Variants in PPM1B observed in about 807,000 individuals in gnomAD.
PPM1B encodes protein phosphatase 1B.
In PPM1B, 22 loss-of-function variants were observed where a neutral mutation model predicts 43.0. The observed-to-expected ratio is 0.51, with a 90% confidence interval of 0.37 to 0.73. The LOEUF (loss-of-function observed/expected upper bound fraction) is 0.73, where lower values mean the gene tolerates loss of function less well. Among genes scored for constraint, PPM1B ranks in the 30% least tolerant of loss-of-function variants. The probability of loss-of-function intolerance (pLI) is 0.00; values close to 1 mark genes in which losing one functional copy is unlikely to be tolerated. For synonymous variants in PPM1B, 217 were observed against 197.9 expected (o/e 1.10, Z -0.81); for missense variants, 632 against 584.2 (o/e 1.08, Z -0.84).
At chr2:44,213,250 T>C (rs1034492770) in intron 3 of PPM1B, among the ~76,000 whole-genome samples, 13 of 151,816 alleles carry the variant, frequency 8.6e-5, no homozygotes, top group Admixed American at 8.5e-4. Context: ...TTTTCTTTTC[T>C]TTGTGGGAGG....
At chr2:44,226,735 CTTTTTTTTT>C (rs60750702) in intron 5 of PPM1B, among the ~76,000 whole-genome samples, 13 of 66,692 alleles carry the variant, frequency 1.9e-4, no homozygotes, top group Non-Finnish European at 2.8e-4. Context: ...AGGTTTTTAT[CTTTTTTTTT>C]TTTTTTTTTT....
intron 1 of PPM1B, among the ~76,000 whole-genome samples, chr2:44,169,625 A>G (rs139840114): frequency 3.7e-4 from 57 of 152,368 alleles, no homozygotes; most frequent in Middle Eastern, 6.8e-3. Context: ...GGCTACCCCA[A>G]GCCTTGGCGC....
At chr2:44,229,987 ATTT>A (rs1670397858) in intron 5 of PPM1B, 3 of 1,578,368 alleles carry the variant, frequency 1.9e-6, no homozygotes, top group Admixed American at 3.6e-5. Context: ...TTTCCTACTT[ATTT>A]AGCAGAAATG....
chr2:44,204,345 A>C (rs1438872012), intron 2 of PPM1B, among the ~76,000 whole-genome samples: 2 of 152,246 alleles, frequency 1.3e-5, no homozygotes, highest in Non-Finnish European at 2.9e-5. Context: ...GAAAGCACTT[A>C]GCGATTGCAC....
intron 1 of PPM1B, among the ~76,000 whole-genome samples, chr2:44,200,703 A>G (rs996273186): frequency 3.3e-5 from 5 of 152,350 alleles, no homozygotes; most frequent in South Asian, 2.1e-4. Flanking sequence ...AAAGTCTTCT[A>G]AAGTATATTA....
downstream of PPM1B, chr2:44,234,198 C>T (rs1256459408): frequency 1.0e-6 from 1 of 983,402 alleles, no homozygotes; most frequent in African/African-American, 1.7e-5. Flanking sequence ...CCCTTCTGTA[C>T]TCTAGAAATA....
At chr2:44,216,199 A>G (rs1036149174) in intron 3 of PPM1B, among the ~76,000 whole-genome samples, 2 of 152,212 alleles carry the variant, frequency 1.3e-5, no homozygotes, top group Non-Finnish European at 2.9e-5. Flanking sequence ...ATTAGAAATT[A>G]TGCATTAATG....
chr2:44,202,536 T>A lies in PPM1B; in HGVS notation c.846+491T>A, dbSNP rs1296036800. 2.0e-5 allele frequency among the ~76,000 whole-genome samples: 3 copies of A among 152,324 alleles called. No homozygotes were observed. The Middle Eastern group carries it at 0.01, about 518-fold the overall frequency. ...TGAAATAAAAATATGGGTTGTATAT[T>A]TCTCATTGTCTTCTAAAAGCAGCTC... On this transcript the variant is annotated intron_variant, in intron 2 of 5. Coordinates refer to ENST00000282412, the MANE Select transcript of PPM1B (RefSeq NM_002706.6).
At chr2:44,173,380 T>C (rs752692985) in intron 1 of PPM1B, among the ~76,000 whole-genome samples, 7 of 152,210 alleles carry the variant, frequency 4.6e-5, no homozygotes, top group Non-Finnish European at 2.9e-5. Context: ...CAATAACTTA[T>C]ATACTTTTTT....
chr2:44,174,417 T>A (rs1346129996), intron 1 of PPM1B, among the ~76,000 whole-genome samples: 1 of 152,218 alleles, frequency 6.6e-6, no homozygotes, highest in African/African-American at 2.4e-5. Flanking sequence ...ATAGGGAGGA[T>A]AAGACTTGTC....
Position 44,201,221 on chromosome 2 carries a change from C to G in PPM1B, c.22C>G (p.Pro8Ala). MGAFLDK[P>A]KTEKHNAHGA... ...AAACATGGGTGCATTTTTGGATAAACCCAAAACTGAAAAACATAATGCTCA... is the reference window on the plus strand; with the variant it reads ...AAACATGGGTGCATTTTTGGATAAAGCCAAAACTGAAAAACATAATGCTCA... Residue 8 changes from proline (P) to alanine (A), a missense_variant, in exon 2 of 6, where the codon CCC becomes GCC. Physicochemically the swap from Pro to Ala is conservative, Grantham distance 27. This residue lies in a region of PPM1B where 200 missense variants were observed against 200.7 expected (regional missense o/e 1.00). Coordinates refer to ENST00000282412, the MANE Select transcript of PPM1B (RefSeq NM_002706.6). The surrounding 1 kb of genome is among the most constrained non-coding windows in gnomAD (Gnocchi z 5.4). 1 of 1,594,956 alleles carries G rather than the reference C, an allele frequency of 6.3e-7. No individual in the cohort carries two copies. Among genetic ancestry groups the G allele is most frequent in the Non-Finnish European group, 8.6e-7 (1 of 1,168,208 alleles).
chr2:44,191,320 TCTC>T (rs1291488855), intron 1 of PPM1B, among the ~76,000 whole-genome samples: 4 of 152,078 alleles, frequency 2.6e-5, no homozygotes, highest in Non-Finnish European at 5.9e-5. Flanking sequence ...TTCAAGCTAT[TCTC>T]CTGCCTCAGC....
chr2:44,178,854 A>C (rs78449552), intron 1 of PPM1B, among the ~76,000 whole-genome samples: 20,193 of 152,274 alleles, frequency 0.13, 1,662 homozygotes, highest in South Asian at 0.24. Flanking sequence ...TTAATAAAAA[A>C]GACATAGGCA....
intron 2 of PPM1B, among the ~76,000 whole-genome samples, chr2:44,203,562 A>C (rs1270947191): frequency 6.6e-6 from 1 of 152,110 alleles, no homozygotes; most frequent in Non-Finnish European, 1.5e-5. Flanking sequence ...CATCCACCCT[A>C]AGTCAGCTAC....
In PPM1B at chr2:44,222,282, A is replaced by G. The variant is rs140617162; in HGVS notation, c.1134+3745A>G. On this transcript the variant is annotated intron_variant, in intron 5 of 5. Coordinates refer to ENST00000282412, the MANE Select transcript of PPM1B (RefSeq NM_002706.6). The stretch of plus-strand genomic sequence containing the variant: ...AAAGCTCAGTAAATATTTTTTGAAT[A>G]GGAAATATTTGTATTTATTCATTTC... Among the ~76,000 whole-genome samples the G allele has an allele frequency of 9.2e-5, 14 of 152,276 alleles. No homozygotes were observed. In the East Asian group the frequency reaches 2.7e-3, roughly 29 times the overall value.
chr2:44,190,988 TCAC>T (rs1437879055), intron 1 of PPM1B, among the ~76,000 whole-genome samples: 1 of 152,346 alleles, frequency 6.6e-6, no homozygotes, highest in South Asian at 2.1e-4. Context: ...CATGTTCTCA[TCAC>T]TAAGATTTAA....
intron 5 of PPM1B, among the ~76,000 whole-genome samples, chr2:44,242,352 G>T (rs183949282): frequency 3.9e-4 from 59 of 152,014 alleles, no homozygotes; most frequent in African/African-American, 1.4e-3. Context: ...TTAGAACAGT[G>T]GTTACTTTTT....
At position 44,201,162 on chromosome 2, in the gene PPM1B, T is replaced by A. The variant is rs767578559; in HGVS notation, c.-14-24T>A. On this transcript the variant is annotated intron_variant, in intron 1 of 5. Transcript: ENST00000282412. This position sits in a 1 kb window ranked among gnomAD's most constrained non-coding sequence, Gnocchi z 5.4. ...ACATTTTCTGTCAAATTTAAACATT[T>A]AACACCTGCATTTTTTATTTCAGAT... 5.2e-6 allele frequency: 8 copies of A among 1,549,990 alleles called. No individual in the cohort carries two copies. The highest frequency in any genetic ancestry group is 7.0e-6 in the Non-Finnish European group (8 of 1,145,782).
chr2:44,205,364 T>TCGGG (rs141707967), intron 2 of PPM1B, among the ~76,000 whole-genome samples: 1,782 of 100,226 alleles, frequency 0.018, 45 homozygotes, highest in African/African-American at 0.073. Flanking sequence ...GGTGTGTGTG[T>TCGGG]GTGTGTGTGT....
Sources: allele counts gnomAD v4.1 joint callset (sites outside exome capture counted in the v4.1 genomes callset), GRCh38; gene constraint gnomAD v4.1.1; regional missense constraint gnomAD v4.1.1; non-coding constraint Gnocchi (gnomAD v3.1); transcripts MANE v1.5; gene names NCBI Gene and HGNC (gene_info 2026-07-23, HGNC 2026-07-21).